Variants in ATP9A observed in about 807,000 individuals in gnomAD.
The protein encoded by ATP9A is ATPase phospholipid transporting 9A.
In ATP9A, 52 loss-of-function variants were observed where a neutral mutation model predicts 144.1. The ratio of observed to expected loss-of-function variants is 0.36; its 90% CI spans 0.29 to 0.45. ATP9A has a LOEUF of 0.45. ATP9A is among the 20% of genes least tolerant of loss of function. ATP9A has a pLI of 1.00. For missense variants in ATP9A, 947 were observed against 1,392.7 expected (o/e 0.68, Z 5.09); for synonymous variants, 582 against 557.4 (o/e 1.04, Z -0.62).
At chr20:51,613,570 CATG>C in intron 23 of ATP9A, 104 bp downstream of exon 23, 4 of 1,241,304 alleles carry the variant, frequency 3.2e-6, no homozygotes, top group Non-Finnish European at 4.3e-6. Flanking sequence ...AGGCTTTTTC[CATG>C]ATAATTACAT....
rs571492517 is a variant in ATP9A, at chr20:51,678,946, G to A, written c.800-2738C>T. ...ACCAACCGGAGAGGACGCACACACC[G>A]GATGCGCCTTGGCTTGGTCTGCACG... On this transcript the variant is annotated intron_variant, in intron 9 of 27. Coordinates refer to ENST00000338821, the MANE Select transcript of ATP9A (RefSeq NM_006045.3). Among the ~76,000 whole-genome samples, 18 of 152,244 alleles carry A rather than the reference G, an allele frequency of 1.2e-4. No individual in the cohort carries two copies. In the East Asian group the frequency reaches 1.4e-3, roughly 11 times the overall value.
intron 13 of ATP9A, among the ~76,000 whole-genome samples, chr20:51,658,888 C>CGGGGGGGGGGGGG (rs11477336): frequency 1.8e-5 from 1 of 54,846 alleles, no homozygotes; most frequent in African/African-American, 8.4e-5. Flanking sequence ...AGACCACTGG[C>CGGGGGGGGGGGGG]GGGGGGGGGG....
chr20:51,602,604 C>T (rs1485365296), intron 27 of ATP9A, among the ~76,000 whole-genome samples: 1 of 152,186 alleles, frequency 6.6e-6, no homozygotes, highest in African/African-American at 2.4e-5. Flanking sequence ...AGTAAATGCT[C>T]ACAAATCCTT....
At position 51,598,149 on chromosome 20, in the gene ATP9A, G is replaced by A. The variant is rs2077127131; in HGVS notation, c.*3062C>T. On this transcript the variant is annotated 3_prime_UTR_variant, in exon 28 of 28. Transcript: ENST00000338821. ...CCCACATAAGAAATTACTCAAGATG[G>A]AAAAACTAGTCTGGTGATTTTCTTA... 8.0e-6 allele frequency: 1 copy of A among 125,016 alleles called. No individual in the cohort carries two copies. The highest frequency in any genetic ancestry group is 1.6e-5 in the Non-Finnish European group (1 of 64,466). The allele number at this position is 125,016 out of a possible 1,614,324, so 7.7% of individuals were successfully genotyped here.
In ATP9A at chr20:51,611,985, C is replaced by T. The variant is rs142351125; in HGVS notation, c.2571+1692G>A. On this transcript the variant is annotated intron_variant, in intron 23 of 27. Transcript: ENST00000338821. This position sits in a 1 kb window ranked among gnomAD's most constrained non-coding sequence, Gnocchi z 4.2. ...ACCTGATACATTGTACAAGGCAGAC[C>T]GCCTTTCAAGTATGATTAAACATTC... is the stretch of plus-strand genomic sequence containing the variant. Among the ~76,000 whole-genome samples, 42 of 152,286 alleles carry T rather than the reference C, an allele frequency of 2.8e-4. 1 individual carries two copies. Among genetic ancestry groups the T allele is most frequent in the African/African-American group, 9.4e-4 (39 of 41,570 alleles).
chr20:51,675,279 G>A (rs114620883), intron 10 of ATP9A, among the ~76,000 whole-genome samples: 176 of 152,206 alleles, frequency 1.2e-3, no homozygotes, highest in African/African-American at 3.9e-3. Flanking sequence ...ATGGTGGAGC[G>A]ACCATGACTG....
intron 9 of ATP9A, among the ~76,000 whole-genome samples, chr20:51,677,487 C>T (rs937347428): frequency 1.7e-4 from 26 of 152,106 alleles, no homozygotes; most frequent in Non-Finnish European, 2.4e-4. Flanking sequence ...TGCTGGTCTA[C>T]GGGGCCCAGC....
chr20:51,737,905 T>C (rs2122884625), intron 1 of ATP9A, among the ~76,000 whole-genome samples: 1 of 152,258 alleles, frequency 6.6e-6, no homozygotes, highest in Non-Finnish European at 1.5e-5. Context: ...CCTATCTATA[T>C]GCTATACTCT....
Position 51,601,095 on chromosome 20 carries a change from C to A in ATP9A, c.*116G>T. The A allele has an allele frequency of 7.7e-7, 1 of 1,304,404 alleles. No homozygotes were observed. Among genetic ancestry groups the A allele is most frequent in the Non-Finnish European group, 1.0e-6 (1 of 964,630 alleles). The allele number at this position is 1,304,404 out of a possible 1,614,324, so 80.8% of individuals were successfully genotyped here. The stretch of plus-strand genomic sequence containing the variant: ...GGCGCAGAGCCACTTCCCATTAAAA[C>A]TGCATGTGTTAGCAATTACTGCAAA... On this transcript the variant is annotated 3_prime_UTR_variant, in exon 28 of 28. Transcript: ENST00000338821.
chr20:51,683,561 C>T (rs1006773148), intron 9 of ATP9A, among the ~76,000 whole-genome samples: 4 of 152,120 alleles, frequency 2.6e-5, no homozygotes, highest in Non-Finnish European at 5.9e-5. Flanking sequence ...GGATTATAGG[C>T]GTGAGCCACC....
At chr20:51,729,094 T>A (rs965866685) in intron 2 of ATP9A, among the ~76,000 whole-genome samples, 1 of 152,188 alleles carries the variant, frequency 6.6e-6, no homozygotes, top group South Asian at 2.1e-4. Flanking sequence ...AAGATTAAAA[T>A]GCATCTTTAT....
chr20:51,708,776 A>G (rs1430206204), intron 4 of ATP9A, among the ~76,000 whole-genome samples: 1 of 152,186 alleles, frequency 6.6e-6, no homozygotes, highest in Non-Finnish European at 1.5e-5. Flanking sequence ...TCTAGTTTTG[A>G]GGCCACATCC....
chr20:51,611,578 G>A lies in ATP9A; in HGVS notation c.2572-1413C>T, dbSNP rs1207319901. Among the ~76,000 whole-genome samples the A allele has an allele frequency of 6.6e-6, 1 of 152,196 alleles. No individual in the cohort carries two copies. The highest frequency in any genetic ancestry group is 1.9e-4 in the East Asian group (1 of 5,206). ...CGGCCATTTTCAGCACAGTGGACAG[G>A]GGTTAAAGGCATTTTCTTTAGCACA... On this transcript the variant is annotated intron_variant, in intron 23 of 27. Transcript: ENST00000338821. The surrounding 1 kb of genome is among the most constrained non-coding windows in gnomAD (Gnocchi z 4.2).
At chr20:51,740,800 C>A (rs2077781700) in intron 1 of ATP9A, among the ~76,000 whole-genome samples, 1 of 151,768 alleles carries the variant, frequency 6.6e-6, no homozygotes, top group Admixed American at 6.6e-5. Flanking sequence ...GTCTCCAACT[C>A]CTGGTCTCAA....
At chr20:51,695,655 A>G (rs2077567744) in intron 6 of ATP9A, among the ~76,000 whole-genome samples, 1 of 152,162 alleles carries the variant, frequency 6.6e-6, no homozygotes, top group African/African-American at 2.4e-5. Context: ...CCCCTGACTC[A>G]TGAACAAAGG....
At chr20:51,644,554 G>C (rs553692831) in intron 14 of ATP9A, among the ~76,000 whole-genome samples, 1 of 152,006 alleles carries the variant, frequency 6.6e-6, no homozygotes, top group African/African-American at 2.4e-5. Context: ...ACAGGCATGG[G>C]CCATGGCGCC....
chr20:51,750,086 C>T lies in ATP9A; in HGVS notation c.68+18216G>A, dbSNP rs192145461. Among the ~76,000 whole-genome samples the T allele has an allele frequency of 9.0e-3, 1,376 of 152,130 alleles. 19 individuals carry two copies. The highest frequency in any genetic ancestry group is 0.031 in the African/African-American group (1,294 of 41,488). On this transcript the variant is annotated intron_variant, in intron 1 of 27. Coordinates refer to ENST00000338821, the MANE Select transcript of ATP9A (RefSeq NM_006045.3). ...GGGAGAATTGCTTCAACCCGGGAGG[C>T]GGAGGTTGCGGTGAGCCGAGATCGC... is the stretch of plus-strand genomic sequence containing the variant.
At chr20:51,766,682 A>T (rs1423322595) in intron 1 of ATP9A, among the ~76,000 whole-genome samples, 1 of 152,024 alleles carries the variant, frequency 6.6e-6, no homozygotes, top group African/African-American at 2.4e-5. Context: ...CTCTACTAAA[A>T]ATACAAAAAC....
chr20:51,740,305 A>G (rs1378659990), intron 1 of ATP9A, among the ~76,000 whole-genome samples: 3 of 151,168 alleles, frequency 2.0e-5, no homozygotes, highest in Non-Finnish European at 4.4e-5. Flanking sequence ...CGATCTGCCC[A>G]CCTCAGCCTC....
Sources: gnomAD v4.1 joint callset for allele counts (sites outside exome capture counted in the v4.1 genomes callset) on GRCh38, gnomAD v4.1.1 for gene constraint, Gnocchi (gnomAD v3.1) non-coding constraint, MANE v1.5 for transcripts, NCBI Gene and HGNC (gene_info 2026-07-23, HGNC 2026-07-21) for gene names.